L3MBTL4: variants seen among roughly 807,000 people sequenced by gnomAD.
L3MBTL4 encodes the protein L3MBTL histone methyl-lysine binding protein 4.
Under a neutral mutation model 84.5 loss-of-function variants are expected in L3MBTL4, and 70 were observed. The ratio of observed to expected loss-of-function variants is 0.83; its 90% CI spans 0.68 to 1.01. The LOEUF is 1.01. L3MBTL4 is among the 50% of genes least tolerant of loss of function. The pLI, the probability that L3MBTL4 is intolerant of heterozygous loss-of-function variation, is 0.00. For synonymous variants in L3MBTL4, 274 were observed against 259.8 expected (o/e 1.05, Z -0.52); for missense variants, 715 against 754.8 (o/e 0.95, Z 0.62).
intron 5 of L3MBTL4, among the ~76,000 whole-genome samples, chr18:6,263,672 C>A (rs1215681886): frequency 6.6e-6 from 1 of 152,150 alleles, no homozygotes; most frequent in Non-Finnish European, 1.5e-5. Context: ...GTCCTCCAAC[C>A]ACCCAAGGAG....
intron 16 of L3MBTL4, chr18:6,032,349 A>G: frequency 1.0e-6 from 1 of 977,740 alleles, no homozygotes; most frequent in African/African-American, 1.8e-5. Context: ...GCTGTTTTAT[A>G]TCACTGAATG....
chr18:6,110,858 C>A (rs971482685), intron 14 of L3MBTL4, among the ~76,000 whole-genome samples: 1 of 152,000 alleles, frequency 6.6e-6, no homozygotes, highest in Non-Finnish European at 1.5e-5. Context: ...GCTGGATAGA[C>A]GCATTCTCAT....
chr18:6,014,545 C>T (rs889939342), intron 16 of L3MBTL4, among the ~76,000 whole-genome samples: 4 of 152,010 alleles, frequency 2.6e-5, no homozygotes, highest in Admixed American at 6.6e-5. Context: ...ATCCAAATCT[C>T]GATTAGCAGG....
At chr18:6,058,505 C>T (rs1051915547) in intron 16 of L3MBTL4, among the ~76,000 whole-genome samples, 9 of 151,834 alleles carry the variant, frequency 5.9e-5, no homozygotes, top group African/African-American at 2.2e-4. Context: ...TTCAAGTCCA[C>T]GGTACCCATA....
chr18:6,048,213 A>C (rs1428125772), intron 16 of L3MBTL4, among the ~76,000 whole-genome samples: 1 of 152,186 alleles, frequency 6.6e-6, no homozygotes, highest in African/African-American at 2.4e-5. Context: ...ACTACAAAAC[A>C]CTGCTGAAGG....
intron 13 of L3MBTL4, among the ~76,000 whole-genome samples, chr18:6,168,300 C>T (rs1305915395): frequency 4.6e-5 from 7 of 152,208 alleles, no homozygotes; most frequent in East Asian, 3.9e-4. Flanking sequence ...TACCAATGAC[C>T]TTCTTCACAA....
intron 16 of L3MBTL4, among the ~76,000 whole-genome samples, chr18:5,996,718 A>G (rs2053989113): frequency 6.6e-6 from 1 of 152,172 alleles, no homozygotes; most frequent in Admixed American, 6.5e-5. Context: ...CAATGATGTG[A>G]ATCCAGAAAG....
intron 16 of L3MBTL4, chr18:6,031,725 G>A (rs2055811050): frequency 1.0e-6 from 1 of 985,364 alleles, no homozygotes; most frequent in Non-Finnish European, 1.2e-6. Flanking sequence ...AGGAACAAGA[G>A]ATGAAGGGCA....
chr18:5,996,854 T>A (rs2053995409), intron 16 of L3MBTL4, among the ~76,000 whole-genome samples: 1 of 152,140 alleles, frequency 6.6e-6, no homozygotes, highest in South Asian at 2.1e-4. Context: ...ATTCCTTACA[T>A]GGATCAAAGG....
chr18:6,121,168 C>G (rs2059511263), intron 14 of L3MBTL4, among the ~76,000 whole-genome samples: 1 of 152,214 alleles, frequency 6.6e-6, no homozygotes, highest in African/African-American at 2.4e-5. Context: ...GCCACTGTAT[C>G]TATTTTAGTA....
intron 16 of L3MBTL4, among the ~76,000 whole-genome samples, chr18:5,981,836 T>A (rs1029964061): frequency 1.8e-4 from 28 of 152,114 alleles, no homozygotes; most frequent in African/African-American, 6.3e-4. Flanking sequence ...AAACTCCAGT[T>A]CCAAGTCACA....
At position 6,184,957 on chromosome 18, in the gene L3MBTL4, C is replaced by T. The variant is rs531177588; in HGVS notation, c.982-13015G>A. On this transcript the variant is annotated intron_variant, in intron 12 of 18. Transcript: ENST00000317931. ...CAGCATTATTTTTTGCACTTTGTGC[C>T]AGTATAACTTGGGCAACCTAGTTAA... is the stretch of plus-strand genomic sequence containing the variant. Among the ~76,000 whole-genome samples, 14 of 152,212 alleles carry T rather than the reference C, an allele frequency of 9.2e-5. No homozygotes were observed. In the South Asian group the frequency reaches 2.9e-3, roughly 32 times the overall value.
At chr18:6,086,793 T>C (rs1410504940) in intron 15 of L3MBTL4, among the ~76,000 whole-genome samples, 2 of 152,220 alleles carry the variant, frequency 1.3e-5, no homozygotes, top group Non-Finnish European at 1.5e-5. Context: ...GTTTGCTTTC[T>C]TTATTCCTCT....
intron 16 of L3MBTL4, among the ~76,000 whole-genome samples, chr18:6,027,913 T>C (rs2055586626): frequency 6.6e-6 from 1 of 152,240 alleles, no homozygotes; most frequent in African/African-American, 2.4e-5. Flanking sequence ...TTTGTTTAAG[T>C]TCCTTGTAAA....
intron 1 of L3MBTL4, chr18:6,413,816 A>G (rs1388078914): frequency 6.6e-6 from 1 of 152,282 alleles, no homozygotes; most frequent in Non-Finnish European, 1.5e-5. Context: ...CAACAGTAAC[A>G]ATGACCAGGC....
chr18:6,212,262 T>C (rs2046140209), intron 12 of L3MBTL4, among the ~76,000 whole-genome samples: 1 of 152,212 alleles, frequency 6.6e-6, no homozygotes, highest in South Asian at 2.1e-4. Flanking sequence ...TAAATTTTAC[T>C]AAAATGTATG....
intron 16 of L3MBTL4, among the ~76,000 whole-genome samples, chr18:6,003,915 T>C (rs1196263342): frequency 6.6e-6 from 1 of 151,892 alleles, no homozygotes; most frequent in South Asian, 2.1e-4. Flanking sequence ...ATGCTTACAT[T>C]AGAAAAGAAG....
intron 4 of L3MBTL4, among the ~76,000 whole-genome samples, chr18:6,294,355 T>C (rs530437576): frequency 6.6e-6 from 1 of 152,262 alleles, no homozygotes; most frequent in Non-Finnish European, 1.5e-5. Flanking sequence ...GGTCCAAATA[T>C]TCACATGAAA....
At chr18:6,033,550 AC>A (rs946526394) in intron 16 of L3MBTL4, among the ~76,000 whole-genome samples, 3 of 152,248 alleles carry the variant, frequency 2.0e-5, no homozygotes, top group African/African-American at 7.2e-5. Flanking sequence ...CAATTATATT[AC>A]ATGTAATTAC....
Sources: gnomAD v4.1 joint callset for allele counts (sites outside exome capture counted in the v4.1 genomes callset) on GRCh38, gnomAD v4.1.1 for gene constraint, MANE v1.5 for transcripts, NCBI Gene and HGNC (gene_info 2026-07-23, HGNC 2026-07-21) for gene names.